The following ZFHX3 variants were observed in gnomAD, a reference collection of about 807,000 sequenced individuals.
ZFHX3 encodes the protein zinc finger homeobox 3.
Under a neutral mutation model 279.1 loss-of-function variants are expected in ZFHX3, and 42 were observed. The ratio of observed to expected loss-of-function variants is 0.15; its 90% CI spans 0.12 to 0.19. ZFHX3 has a LOEUF of 0.19. ZFHX3 is among the 10% of genes least tolerant of loss of function. The probability of loss-of-function intolerance (pLI) is 1.00; values close to 1 mark genes in which losing one functional copy is unlikely to be tolerated. For synonymous variants in ZFHX3, 2,293 were observed against 1,957.8 expected (o/e 1.17, Z -4.52); for missense variants, 4,981 against 4,754.0 (o/e 1.05, Z -1.40).
intron 3 of ZFHX3, among the ~76,000 whole-genome samples, chr16:72,916,000 A>T (rs142548920): frequency 3.4e-3 from 524 of 152,360 alleles, no homozygotes; most frequent in Middle Eastern, 0.014. Flanking sequence ...AATAGCATTG[A>T]AGAGAGGCAT....
upstream of ZFHX3, among the ~76,000 whole-genome samples, chr16:73,051,905 TTG>T (rs1965457646): frequency 6.6e-6 from 1 of 152,298 alleles, no homozygotes; most frequent in Non-Finnish European, 1.5e-5. Context: ...ATTCTTACAT[TTG>T]TGTTTCTAAA....
At chr16:73,733,001 T>A (rs2053581775) in intron 1 of ZFHX3, among the ~76,000 whole-genome samples, 1 of 152,226 alleles carries the variant, frequency 6.6e-6, no homozygotes, top group Non-Finnish European at 1.5e-5. Flanking sequence ...ATGGTGAAGA[T>A]CTACAGCAGT....
chr16:72,982,445 CAAG>C (rs960596012), intron 1 of ZFHX3, among the ~76,000 whole-genome samples: 32 of 152,168 alleles, frequency 2.1e-4, no homozygotes, highest in African/African-American at 7.5e-4. Flanking sequence ...CACAGAGAAA[CAAG>C]AAGAATAAAG....
intron 8 of ZFHX3, among the ~76,000 whole-genome samples, chr16:73,084,926 C>T (rs1469123453): frequency 1.3e-5 from 2 of 152,134 alleles, no homozygotes; most frequent in Non-Finnish European, 2.9e-5. Context: ...AAAGATAGCC[C>T]ATGCTCATGG....
chr16:72,987,515 G>A (rs1220730398), intron 1 of ZFHX3, among the ~76,000 whole-genome samples: 1 of 152,148 alleles, frequency 6.6e-6, no homozygotes, highest in African/African-American at 2.4e-5. Flanking sequence ...GCTGCAACCA[G>A]CAGCTCTGGG....
Position 72,798,240 on chromosome 16 carries a change from A to G in ZFHX3, c.4442T>C (p.Leu1481Pro). 1 of 1,614,202 alleles carries G rather than the reference A, an allele frequency of 6.2e-7. No individual in the cohort carries two copies. The highest frequency in any genetic ancestry group is 8.5e-7 in the Non-Finnish European group (1 of 1,180,054). The change falls in exon 9 of 10, where the codon CTG becomes CCG. Residue 1481 changes from leucine (L) to proline (P), a missense_variant. Physicochemically the swap from Leu to Pro is moderately conservative, Grantham distance 98. Transcript: ENST00000268489. ...AACAATTATGGTATGGTCCTCTGCC[A>G]GAGTGGGGTCTCCCATTGCCAGGAG... is the stretch of plus-strand genomic sequence containing the variant. ...GDLLAMGDPT[L>P]AEDHTIIVEE...
intron 4 of ZFHX3, among the ~76,000 whole-genome samples, chr16:73,303,460 A>G (rs1370625139): frequency 2.0e-5 from 3 of 152,168 alleles, no homozygotes; most frequent in Non-Finnish European, 2.9e-5. Flanking sequence ...CTTACAATTG[A>G]CATGGACATT....
intron 2 of ZFHX3, among the ~76,000 whole-genome samples, chr16:73,474,594 C>T (rs566262650): frequency 2.1e-4 from 32 of 152,284 alleles, no homozygotes; most frequent in South Asian, 1.0e-3. Context: ...TTGACTCAAG[C>T]GGAGAACCTG....
chr16:73,861,630 T>A (rs1442064836), intron 1 of ZFHX3, among the ~76,000 whole-genome samples: 1 of 152,174 alleles, frequency 6.6e-6, no homozygotes, highest in Non-Finnish European at 1.5e-5. Context: ...ATTGGCACCA[T>A]GTTCCAGGTC....
chr16:72,914,438 A>G (rs1338554689), intron 3 of ZFHX3, among the ~76,000 whole-genome samples: 2 of 152,188 alleles, frequency 1.3e-5, no homozygotes, highest in African/African-American at 4.8e-5. Flanking sequence ...ACTGTCTCCA[A>G]AAACATTTAG....
At chr16:73,676,797 T>TA (rs11295760) in intron 2 of ZFHX3, among the ~76,000 whole-genome samples, 3 of 150,864 alleles carry the variant, frequency 2.0e-5, no homozygotes, top group Admixed American at 1.3e-4. Flanking sequence ...GAGATACAAA[T>TA]AAAAAAAAGA....
intron 3 of ZFHX3, among the ~76,000 whole-genome samples, chr16:73,450,441 CAT>C (rs2018264201): frequency 6.6e-6 from 1 of 150,898 alleles, no homozygotes; most frequent in Non-Finnish European, 1.5e-5. Context: ...ATGTAGCGGA[CAT>C]GTGTCATTTT....
intron 7 of ZFHX3, among the ~76,000 whole-genome samples, chr16:73,118,301 T>G (rs1438520512): frequency 6.6e-6 from 1 of 152,164 alleles, no homozygotes; most frequent in African/African-American, 2.4e-5. Context: ...CTCCAACTCC[T>G]AGGTTCAAGT....
At chr16:72,995,359 C>T (rs933984048) in intron 1 of ZFHX3, among the ~76,000 whole-genome samples, 3 of 152,140 alleles carry the variant, frequency 2.0e-5, no homozygotes, top group African/African-American at 7.2e-5. Context: ...CCAGGCACTC[C>T]ATTATGGCAA....
At chr16:73,136,835 A>ATTCTGAC (rs1203596870) in intron 6 of ZFHX3, among the ~76,000 whole-genome samples, 2 of 150,904 alleles carry the variant, frequency 1.3e-5, no homozygotes, top group South Asian at 2.1e-4. Context: ...TCTGCTGGAG[A>ATTCTGAC]TTCTGACAAT....
intron 1 of ZFHX3, among the ~76,000 whole-genome samples, chr16:73,742,500 T>A (rs530131942): frequency 1.3e-5 from 2 of 152,312 alleles, no homozygotes; most frequent in South Asian, 4.1e-4. Context: ...TTAATATTAG[T>A]CCAGGGCAAA....
intron 2 of ZFHX3, among the ~76,000 whole-genome samples, chr16:73,652,182 C>T (rs1438982642): frequency 2.6e-5 from 4 of 152,054 alleles, no homozygotes; most frequent in Non-Finnish European, 4.4e-5. Flanking sequence ...TGGCATGGGG[C>T]TTTTATAGTG....
chr16:72,783,189 TG>T lies in ZFHX3; in HGVS notation c.*3974del, dbSNP rs2035199156. The T allele has an allele frequency of 2.6e-5, 4 of 152,450 alleles. No homozygotes were observed. Among genetic ancestry groups the T allele is most frequent in the African/African-American group, 7.2e-5 (3 of 41,382 alleles). 9.4% of individuals were successfully genotyped at this position (152,450 alleles called of 1,614,324 possible). A position where few individuals can be genotyped will look rare whatever the true frequency, so the allele number is the denominator to read the frequency against. ...TTGCTCTATTTTTTTTGTTGTTTTT[TG>T]TTTTTTTTTCTTTTTGTACATTGCA... is the stretch of plus-strand genomic sequence containing the variant. On this transcript the variant is annotated 3_prime_UTR_variant, in exon 10 of 10. Transcript: ENST00000268489.
intron 2 of ZFHX3, among the ~76,000 whole-genome samples, chr16:73,647,691 A>C (rs1447722554): frequency 6.6e-6 from 1 of 152,210 alleles, no homozygotes; most frequent in East Asian, 1.9e-4. Flanking sequence ...TAGTTTAGAA[A>C]GAGATTAAAG....
Sources: allele counts gnomAD v4.1 joint callset (sites outside exome capture counted in the v4.1 genomes callset), GRCh38; gene constraint gnomAD v4.1.1; transcripts MANE v1.5; gene names NCBI Gene and HGNC (gene_info 2026-07-23, HGNC 2026-07-21).